The following RALA variants were observed in gnomAD, a reference collection of about 807,000 sequenced individuals.
RALA encodes RAS like proto-oncogene A.
In RALA, 5 loss-of-function variants were observed where a neutral mutation model predicts 24.0. The ratio of observed to expected loss-of-function variants is 0.21; its 90% CI spans 0.11 to 0.44. RALA has a LOEUF of 0.44. RALA is among the 20% of genes least tolerant of loss of function. RALA has a pLI of 0.99. For synonymous variants in RALA, 77 were observed against 83.8 expected, an observed-to-expected ratio of 0.92 and a Z score of 0.44; for missense variants, 95 against 241.2, an observed-to-expected ratio of 0.39 and a Z score of 4.01.
At chr7:39,690,848 G>A (rs994098665) in intron 3 of RALA, among the ~76,000 whole-genome samples, 6 of 152,164 alleles carry the variant, frequency 3.9e-5, no homozygotes, top group Non-Finnish European at 8.8e-5. Flanking sequence ...GTTACCCAGA[G>A]TCTCTATGAG....
chr7:39,666,983 A>G (rs951332780), intron 1 of RALA, among the ~76,000 whole-genome samples: 7 of 152,232 alleles, frequency 4.6e-5, no homozygotes, highest in Non-Finnish European at 7.4e-5. Flanking sequence ...AATCACTTCA[A>G]TCCTTCTCTG....
chr7:39,662,315 C>T (rs944543259), intron 1 of RALA, among the ~76,000 whole-genome samples: 4 of 152,168 alleles, frequency 2.6e-5, no homozygotes, highest in African/African-American at 9.6e-5. Context: ...TAACATTTGG[C>T]TCCGCAGATT....
chr7:39,648,056 G>A (rs1266335829), intron 1 of RALA, among the ~76,000 whole-genome samples: 2 of 152,146 alleles, frequency 1.3e-5, no homozygotes, highest in African/African-American at 2.4e-5. Context: ...TTTTTCTCAG[G>A]AAGTCAGATT....
intron 1 of RALA, among the ~76,000 whole-genome samples, chr7:39,638,121 A>C (rs1430092739): frequency 6.6e-6 from 1 of 152,086 alleles, no homozygotes; most frequent in Non-Finnish European, 1.5e-5. Context: ...TCTGTCACTT[A>C]GGCTGAATGC....
chr7:39,655,833 G>T (rs1792087303), intron 1 of RALA, among the ~76,000 whole-genome samples: 1 of 151,978 alleles, frequency 6.6e-6, no homozygotes, highest in Non-Finnish European at 1.5e-5. Flanking sequence ...ATTATTAATA[G>T]AAATTACAGA....
intron 1 of RALA, among the ~76,000 whole-genome samples, chr7:39,672,174 TC>T (rs1228478609): frequency 1.3e-5 from 2 of 152,054 alleles, no homozygotes; most frequent in African/African-American, 2.4e-5. Flanking sequence ...AAAACACATC[TC>T]TGGAAAGGAT....
At chr7:39,687,375 C>T (rs1170910791) in intron 2 of RALA, among the ~76,000 whole-genome samples, 2 of 151,072 alleles carry the variant, frequency 1.3e-5, no homozygotes, top group African/African-American at 4.9e-5. Context: ...TGCAGTGAGC[C>T]GAGATCGCGC....
chr7:39,706,295 T>C lies in RALA; in HGVS notation c.*50T>C, dbSNP rs377424911. The C allele has an allele frequency of 2.0e-4, 301 of 1,541,840 alleles. No individual in the cohort carries two copies. The highest frequency in any genetic ancestry group is 2.5e-4 in the Non-Finnish European group (290 of 1,147,760). The stretch of plus-strand genomic sequence containing the variant: ...CTTGACCATACTAATAAATATAATT[T>C]ATAAGCATTGCCATTGAAGGCTTAA... On this transcript the variant is annotated 3_prime_UTR_variant, in exon 5 of 5. Transcript: ENST00000005257.
At chr7:39,699,137 T>G (rs978892024) in intron 4 of RALA, among the ~76,000 whole-genome samples, 1 of 124,716 alleles carries the variant, frequency 8.0e-6, no homozygotes, top group African/African-American at 3.1e-5. Flanking sequence ...TTTTTTTTTT[T>G]TTTTTTTTTT....
intron 1 of RALA, among the ~76,000 whole-genome samples, chr7:39,625,245 CAGCAGTCAGA>C (rs1791462434): frequency 2.6e-5 from 4 of 152,306 alleles, no homozygotes; most frequent in Admixed American, 2.0e-4. Flanking sequence ...TTTCATTCTT[CAGCAGTCAGA>C]GTTCTTTGCC....
chr7:39,681,730 A>C (rs1291858304), intron 1 of RALA, among the ~76,000 whole-genome samples: 3 of 152,028 alleles, frequency 2.0e-5, no homozygotes. Context: ...AGCTCATGCC[A>C]TTTTGTGACT....
chr7:39,661,596 A>T (rs939990933), intron 1 of RALA, among the ~76,000 whole-genome samples: 1 of 152,218 alleles, frequency 6.6e-6, no homozygotes, highest in Non-Finnish European at 1.5e-5. Context: ...TCCATGTCTC[A>T]CATCCAGGTC....
intron 1 of RALA, among the ~76,000 whole-genome samples, chr7:39,649,777 A>C (rs1791990137): frequency 6.6e-6 from 1 of 152,256 alleles, no homozygotes; most frequent in Non-Finnish European, 1.5e-5. Flanking sequence ...AAGAGGCCCA[A>C]AAAGAGATGG....
intron 1 of RALA, among the ~76,000 whole-genome samples, chr7:39,643,943 T>C (rs1027827944): frequency 4.6e-5 from 7 of 152,170 alleles, no homozygotes; most frequent in African/African-American, 1.7e-4. Flanking sequence ...TACAGGGCTA[T>C]TGAATTCAAG....
At chr7:39,687,381 C>A (rs534902117) in intron 2 of RALA, among the ~76,000 whole-genome samples, 5 of 151,336 alleles carry the variant, frequency 3.3e-5, no homozygotes, top group African/African-American at 9.7e-5. Context: ...GAGCCGAGAT[C>A]GCGCCACTGC....
At chr7:39,669,071 A>T (rs1792335355) in intron 1 of RALA, among the ~76,000 whole-genome samples, 1 of 152,184 alleles carries the variant, frequency 6.6e-6, no homozygotes, top group Non-Finnish European at 1.5e-5. Context: ...CCGAGATCGC[A>T]CCACTGCACT....
At chr7:39,695,542 G>C (rs979354172) in intron 3 of RALA, among the ~76,000 whole-genome samples, 6 of 151,792 alleles carry the variant, frequency 4.0e-5, no homozygotes, top group African/African-American at 1.5e-4. Context: ...AGGACTACAG[G>C]TGCACACTAC....
intron 1 of RALA, among the ~76,000 whole-genome samples, chr7:39,668,315 A>G (rs1052799509): frequency 1.1e-4 from 16 of 152,244 alleles, no homozygotes; most frequent in Non-Finnish European, 2.2e-4. Context: ...CAATTTATTA[A>G]TTTTCCATTT....
At chr7:39,693,906 T>A (rs1274029998) in intron 3 of RALA, among the ~76,000 whole-genome samples, 3 of 152,204 alleles carry the variant, frequency 2.0e-5, no homozygotes, top group Admixed American at 2.0e-4. Context: ...CGGCCTATAG[T>A]CTATTCACAT....
Sources: gnomAD v4.1 joint callset for allele counts (sites outside exome capture counted in the v4.1 genomes callset) on GRCh38, gnomAD v4.1.1 for gene constraint, MANE v1.5 for transcripts, NCBI Gene and HGNC (gene_info 2026-07-23, HGNC 2026-07-21) for gene names.